HHLA1: variants seen among roughly 807,000 people sequenced by gnomAD.
The protein encoded by HHLA1 is HHLA1 neighbor of OC90.
In HHLA1, 72 loss-of-function variants were observed where a neutral mutation model predicts 69.9. The observed-to-expected ratio is 1.03, with a 90% CI of 0.85 to 1.25. The LOEUF (loss-of-function observed/expected upper bound fraction) is 1.25, where lower values mean the gene tolerates loss of function less well. Among genes scored for constraint, HHLA1 ranks in the 50% most tolerant of loss-of-function variants. The pLI is 0.00. For synonymous variants in HHLA1, 252 were observed against 233.2 expected, an observed-to-expected ratio of 1.08 and a Z score of -0.73; for missense variants, 685 against 642.2, an observed-to-expected ratio of 1.07 and a Z score of -0.72.
chr8:132,089,764 A>G (rs1823918600), intron 7 of HHLA1, among the ~76,000 whole-genome samples, 165 bp from the exon 8 acceptor site: 2 of 152,220 alleles, frequency 1.3e-5, no homozygotes, highest in South Asian at 2.1e-4. Context: ...CTAAAAAATG[A>G]AAAGTCTTGA....
chr8:132,092,532 A>G (rs546468551), intron 7 of HHLA1, among the ~76,000 whole-genome samples: 3 of 152,292 alleles, frequency 2.0e-5, no homozygotes, highest in South Asian at 2.1e-4. Flanking sequence ...TGTTCTCATG[A>G]TAGTGAGTGA....
At position 132,064,508 on chromosome 8, in the gene HHLA1, C is replaced by A. The variant is rs55791419; in HGVS notation, c.1553-470G>T. ...TTTCTATCTTTGATTTCTGACCACC[C>A]CACCCCCACTCCTAATGCCTATATA... On this transcript the variant is annotated intron_variant, in intron 16 of 16. Coordinates refer to ENST00000414222, the MANE Select transcript of HHLA1 (RefSeq NM_001145095.3). Among the ~76,000 whole-genome samples the A allele has an allele frequency of 1.9e-3, 291 of 152,152 alleles. 2 individuals are homozygous for A. The highest frequency in any genetic ancestry group is 0.014 in the Admixed American group (209 of 15,280).
chr8:132,093,719 G>A (rs1218581622), intron 7 of HHLA1, among the ~76,000 whole-genome samples: 1 of 152,144 alleles, frequency 6.6e-6, no homozygotes, highest in Non-Finnish European at 1.5e-5. Flanking sequence ...TCTCCAGGCA[G>A]ATTTAACTTT....
intron 1 of HHLA1, among the ~76,000 whole-genome samples, chr8:132,110,094 C>G (rs1227596206): frequency 6.6e-6 from 1 of 152,312 alleles, no homozygotes; most frequent in Non-Finnish European, 1.5e-5. Flanking sequence ...GTTAGTTCAG[C>G]TTGATGAGCA....
chr8:132,073,931 G>C (rs566045482), intron 14 of HHLA1, among the ~76,000 whole-genome samples: 28 of 152,140 alleles, frequency 1.8e-4, no homozygotes, highest in Non-Finnish European at 3.5e-4. Context: ...CAGTCACCTC[G>C]CAAGTTTCCC....
intron 10 of HHLA1, 78 bp downstream of exon 10, chr8:132,087,575 A>G (rs1483964633): frequency 2.4e-5 from 20 of 832,526 alleles, no homozygotes; most frequent in Non-Finnish European, 1.8e-5. Context: ...ACCTGAGGGC[A>G]GCTTTCAGTC....
rs1353896524 is a variant in HHLA1, at chr8:132,095,587, G to C, written c.380C>G (p.Thr127Arg). 2.6e-6 allele frequency: 4 copies of C among 1,547,840 alleles called. No individual in the cohort carries two copies. The highest frequency in any genetic ancestry group is 2.7e-5 in the African/African-American group (2 of 72,976). The change falls in exon 7 of 17, where the codon ACA becomes AGA. Residue 127 changes from threonine (T) to arginine (R), a missense_variant. Physicochemically the swap from Thr to Arg is moderately conservative, Grantham distance 71 (BLOSUM62 -1). Coordinates refer to ENST00000414222, the MANE Select transcript of HHLA1 (RefSeq NM_001145095.3). ...TGTGGGGAATTTGGCGGGGTCTACTGTCTTCAGGTTAGAAACTGTGAAGAG... is the reference window on the plus strand; with the variant it reads ...TGTGGGGAATTTGGCGGGGTCTACTCTCTTCAGGTTAGAAACTGTGAAGAG... ...VAVYNISNLK[T>R]VDPAKFPTRY...
At position 132,076,481 on chromosome 8, in the gene HHLA1, G is replaced by GCCT. The variant is rs1823644873; in HGVS notation, c.1233_1234insAGG (p.Pro411_Gln412insArg). 7.6e-6 allele frequency: 10 copies of GCCT among 1,309,008 alleles called. No homozygotes were observed. In the Admixed American group the frequency reaches 1.9e-4, roughly 25 times the overall value. The allele number at this position is 1,309,008 out of a possible 1,614,324, so 81.1% of individuals were successfully genotyped here. ...TCCGTACTGAGTTTCTCACCTGTTT[G>GCCT]TGGATATCTGGGGGCTGTTGCCTTG... On this transcript the variant is annotated inframe_insertion, in exon 13 of 17. Coordinates refer to ENST00000414222, the MANE Select transcript of HHLA1 (RefSeq NM_001145095.3).
chr8:132,100,724 G>A (rs951631973), intron 3 of HHLA1, among the ~76,000 whole-genome samples: 1 of 152,336 alleles, frequency 6.6e-6, no homozygotes, highest in African/African-American at 2.4e-5. Context: ...TCCTGTGTGT[G>A]ATTTGGTCAG....
At chr8:132,077,395 C>T (rs1379164843) in intron 12 of HHLA1, among the ~76,000 whole-genome samples, 3 of 151,996 alleles carry the variant, frequency 2.0e-5, no homozygotes, top group Non-Finnish European at 2.9e-5. Context: ...AGGGCTCATG[C>T]CTGGAATTTC....
intron 5 of HHLA1, among the ~76,000 whole-genome samples, chr8:132,098,177 G>A (rs1586734254): frequency 6.6e-6 from 1 of 152,176 alleles, no homozygotes; most frequent in Non-Finnish European, 1.5e-5. Context: ...AGTGAGGAAT[G>A]TACACTAGGG....
intron 10 of HHLA1, chr8:132,080,422 G>A (rs1457173829): frequency 3.3e-6 from 1 of 305,640 alleles, no homozygotes; most frequent in Admixed American, 4.9e-5. Context: ...TTTGTTCTCT[G>A]GCGGGCAGGA....
chr8:132,066,463 T>G (rs113464605), intron 15 of HHLA1, among the ~76,000 whole-genome samples: 2,202 of 152,292 alleles, frequency 0.014, 39 homozygotes, highest in African/African-American at 0.045. Flanking sequence ...CAGCAAACAC[T>G]TTGCAAAATA....
chr8:132,084,601 T>C (rs941995158), intron 10 of HHLA1, among the ~76,000 whole-genome samples: 10 of 152,140 alleles, frequency 6.6e-5, no homozygotes, highest in Non-Finnish European at 1.2e-4. Context: ...TCAAGCGGCA[T>C]TGCAGAAGAA....
intron 5 of HHLA1, 39 bp downstream of exon 5, chr8:132,098,843 A>G: frequency 7.2e-7 from 1 of 1,391,328 alleles, no homozygotes; most frequent in Non-Finnish European, 9.9e-7. Flanking sequence ...GTACAAGAAA[A>G]AAAAATGGAC....
chr8:132,083,049 G>A (rs1190519980), intron 10 of HHLA1, among the ~76,000 whole-genome samples: 1 of 151,814 alleles, frequency 6.6e-6, no homozygotes, highest in Admixed American at 6.5e-5. Flanking sequence ...TGGTCGCCAA[G>A]GAGGGAGTAG....
intron 15 of HHLA1, among the ~76,000 whole-genome samples, chr8:132,066,827 C>T (rs1823448101): frequency 6.6e-6 from 1 of 152,230 alleles, no homozygotes; most frequent in African/African-American, 2.4e-5. Flanking sequence ...GATTAAATGA[C>T]TTCCCCAAGG....
chr8:132,064,177 G>T lies in HHLA1; in HGVS notation c.1553-139C>A, dbSNP rs1040649397. 45 of 288,406 alleles carry T rather than the reference G, an allele frequency of 1.6e-4. 1 individual carries two copies. In the East Asian group the frequency reaches 3.6e-3, roughly 23 times the overall value. The allele number at this position is 288,406 out of a possible 1,614,324, so 17.9% of individuals were successfully genotyped here. On this transcript the variant is annotated intron_variant, in intron 16 of 16. Transcript: ENST00000414222. The stretch of plus-strand genomic sequence containing the variant: ...GTGTGGGGCAGTGCACTGGACAGGG[G>T]TCACTAGGGGTGAGACTCAGAAGGT...
intron 10 of HHLA1, among the ~76,000 whole-genome samples, chr8:132,083,616 G>A (rs930890707): frequency 1.6e-4 from 25 of 152,172 alleles, no homozygotes; most frequent in Admixed American, 3.9e-4. Flanking sequence ...TTTCAGTGGG[G>A]TCCCACACAG....
Sources: allele counts gnomAD v4.1 joint callset (sites outside exome capture counted in the v4.1 genomes callset), GRCh38; gene constraint gnomAD v4.1.1; transcripts MANE v1.5; gene names NCBI Gene and HGNC (gene_info 2026-07-23, HGNC 2026-07-21).